LRRTM4: variants seen among roughly 807,000 people sequenced by gnomAD.
LRRTM4 encodes leucine-rich repeat transmembrane neuronal protein 4.
A neutral mutation model predicts 47.6 loss-of-function variants in LRRTM4; 25 were observed. That is an observed-to-expected ratio of 0.53 (90% confidence interval 0.38 to 0.73). The LOEUF (loss-of-function observed/expected upper bound fraction) is 0.73, where lower values mean the gene tolerates loss of function less well. Among genes scored for constraint, LRRTM4 ranks in the 30% least tolerant of loss-of-function variants. The pLI, the probability that LRRTM4 is intolerant of heterozygous loss-of-function variation, is 0.00. For synonymous variants in LRRTM4, 311 were observed against 269.5 expected (o/e 1.15, Z -1.51); for missense variants, 638 against 713.4 (o/e 0.89, Z 1.20).
At chr2:76,970,338 C>A (rs997935335) in intron 3 of LRRTM4, among the ~76,000 whole-genome samples, 10 of 151,922 alleles carry the variant, frequency 6.6e-5, no homozygotes, top group Admixed American at 3.3e-4. Context: ...TTGAAACAGT[C>A]TTTTCTTCCC....
intron 3 of LRRTM4, among the ~76,000 whole-genome samples, chr2:77,103,841 A>G (rs1053816615): frequency 1.3e-5 from 2 of 151,988 alleles, no homozygotes; most frequent in African/African-American, 4.8e-5. Flanking sequence ...CAGGAAACTC[A>G]ATTAACTCAA....
intron 3 of LRRTM4, among the ~76,000 whole-genome samples, chr2:77,266,127 T>C (rs1227926433): frequency 6.6e-6 from 1 of 152,106 alleles, no homozygotes; most frequent in Non-Finnish European, 1.5e-5. Flanking sequence ...CAGAGTTGAG[T>C]AGTTACCGCA....
chr2:77,118,282 A>T (rs955814457), intron 3 of LRRTM4, among the ~76,000 whole-genome samples: 1 of 151,870 alleles, frequency 6.6e-6, no homozygotes, highest in Non-Finnish European at 1.5e-5. Flanking sequence ...GCTTACAAAC[A>T]TTGAGTGCTA....
Position 77,142,408 on chromosome 2 carries a change from G to A in LRRTM4, c.1551+375910C>T, listed in dbSNP as rs1319883907. Among the ~76,000 whole-genome samples, 4 of 144,212 alleles carry A rather than the reference G, an allele frequency of 2.8e-5. No individual in the cohort carries two copies. In the East Asian group the frequency reaches 8.4e-4, roughly 30 times the overall value. The allele number at this position is 144,212 out of a possible 152,430, so 94.6% of individuals were successfully genotyped here. On this transcript the variant is annotated intron_variant, in intron 3 of 3. Coordinates refer to ENST00000409884, the MANE Select transcript of LRRTM4 (RefSeq NM_001134745.3). ...CTAATGAGCCATTCACCTTTTTGCT[G>A]CTGCTTGTTACCACACACACATACA...
intron 3 of LRRTM4, among the ~76,000 whole-genome samples, chr2:76,858,801 T>C (rs1672231057): frequency 6.6e-6 from 1 of 152,210 alleles, no homozygotes; most frequent in African/African-American, 2.4e-5. Flanking sequence ...ATATTTCTTG[T>C]ATTATTTTGA....
chr2:76,956,806 A>G (rs1160287115), intron 3 of LRRTM4, among the ~76,000 whole-genome samples: 2 of 151,538 alleles, frequency 1.3e-5, no homozygotes, highest in African/African-American at 4.8e-5. Flanking sequence ...AGAGATTACT[A>G]TGAAAAATTT....
At chr2:77,112,577 T>G (rs1437357194) in intron 3 of LRRTM4, among the ~76,000 whole-genome samples, 1 of 149,882 alleles carries the variant, frequency 6.7e-6, no homozygotes, top group Non-Finnish European at 1.5e-5. Context: ...GAATCACTTA[T>G]GAAAGGTTTA....
intron 3 of LRRTM4, among the ~76,000 whole-genome samples, chr2:77,391,638 GC>G (rs1673507409): frequency 6.6e-6 from 1 of 151,852 alleles, no homozygotes; most frequent in Admixed American, 6.6e-5. Flanking sequence ...ATTCACTATA[GC>G]CAAGATATGG....
chr2:77,025,073 C>A (rs990069589), intron 3 of LRRTM4, among the ~76,000 whole-genome samples: 1 of 151,954 alleles, frequency 6.6e-6, no homozygotes. Context: ...AAAATCAGTA[C>A]GTTCATAATT....
chr2:76,863,713 A>ACACAC (rs1457261165), intron 3 of LRRTM4, among the ~76,000 whole-genome samples: 6 of 152,232 alleles, frequency 3.9e-5, no homozygotes, highest in Non-Finnish European at 4.4e-5. Context: ...TACACAAAAA[A>ACACAC]CACACACCTC....
chr2:77,048,631 A>C (rs1679310338), intron 3 of LRRTM4, among the ~76,000 whole-genome samples: 1 of 151,944 alleles, frequency 6.6e-6, no homozygotes, highest in African/African-American at 2.4e-5. Context: ...TTTTCTTATT[A>C]TTATTTTTAA....
chr2:77,441,368 G>A lies in LRRTM4; in HGVS notation c.1551+76950C>T, dbSNP rs145514314. Among the ~76,000 whole-genome samples, 1,105 of 152,214 alleles carry A rather than the reference G, an allele frequency of 7.3e-3. 15 individuals carry two copies. Among genetic ancestry groups the A allele is most frequent in the African/African-American group, 0.026 (1,061 of 41,532 alleles). Reference sequence around the variant, plus strand: ...TATTGTTAAAAGGCTAATATTTATCGGATGCTTACTGTTTTCCAGGTGTCG... The same window carrying A: ...TATTGTTAAAAGGCTAATATTTATCAGATGCTTACTGTTTTCCAGGTGTCG... On this transcript the variant is annotated intron_variant, in intron 3 of 3. Coordinates refer to ENST00000409884, the MANE Select transcript of LRRTM4 (RefSeq NM_001134745.3).
At chr2:76,858,337 T>G (rs1672214530) in intron 3 of LRRTM4, among the ~76,000 whole-genome samples, 1 of 152,182 alleles carries the variant, frequency 6.6e-6, no homozygotes, top group East Asian at 1.9e-4. Context: ...CTTTTCAAAC[T>G]GAGACATTGA....
chr2:76,959,456 C>A (rs1030729707), intron 3 of LRRTM4, among the ~76,000 whole-genome samples: 3 of 149,544 alleles, frequency 2.0e-5, no homozygotes, highest in African/African-American at 7.4e-5. Flanking sequence ...GGAAAAAAAA[C>A]ACGACAGAAA....
At chr2:76,751,600 T>C (rs1672850078) in intron 3 of LRRTM4, among the ~76,000 whole-genome samples, 1 of 152,102 alleles carries the variant, frequency 6.6e-6, no homozygotes, top group Admixed American at 6.6e-5. Flanking sequence ...ACCCCAAGTC[T>C]ATTGTTTTGT....
chr2:77,118,257 T>C (rs1382824928), intron 3 of LRRTM4, among the ~76,000 whole-genome samples: 1 of 151,682 alleles, frequency 6.6e-6, no homozygotes, highest in African/African-American at 2.4e-5. Flanking sequence ...CAAACTTTAA[T>C]ACATTTTACT....
chr2:76,959,802 G>A (rs190918490), intron 3 of LRRTM4, among the ~76,000 whole-genome samples: 100 of 151,756 alleles, frequency 6.6e-4, no homozygotes, highest in African/African-American at 2.4e-3. Flanking sequence ...CCACATGTCA[G>A]CAGAGAAGAC....
In LRRTM4 at chr2:77,066,715, A is replaced by AT. The variant is rs369380037; in HGVS notation, c.1552-317800dup. Reference sequence around the variant, plus strand: ...CATATACATGCATATGTACCTGTATATTTTTACATAGGAAAGGTATGTGTG... The same window carrying AT: ...CATATACATGCATATGTACCTGTATATTTTTTACATAGGAAAGGTATGTGTG... On this transcript the variant is annotated intron_variant, in intron 3 of 3. Coordinates refer to ENST00000409884, the MANE Select transcript of LRRTM4 (RefSeq NM_001134745.3). Among the ~76,000 whole-genome samples, 1,083 of 152,328 alleles carry AT rather than the reference A, an allele frequency of 7.1e-3. 11 individuals carry two copies. Among genetic ancestry groups the AT allele is most frequent in the African/African-American group, 0.022 (895 of 41,574 alleles).
intron 3 of LRRTM4, among the ~76,000 whole-genome samples, chr2:77,177,829 T>C (rs1673241232): frequency 1.3e-5 from 2 of 152,228 alleles, no homozygotes; most frequent in African/African-American, 2.4e-5. Context: ...ACTCAGCTGA[T>C]GCTACCAGGC....
Sources: allele counts gnomAD v4.1 joint callset (sites outside exome capture counted in the v4.1 genomes callset), GRCh38; gene constraint gnomAD v4.1.1; transcripts MANE v1.5; gene names NCBI Gene and HGNC (gene_info 2026-07-23, HGNC 2026-07-21).